The following POU6F2 variants were observed in gnomAD, a reference collection of about 807,000 sequenced individuals.
The protein encoded by POU6F2 is POU class 6 homeobox 2.
Under a neutral mutation model 71.3 loss-of-function variants are expected in POU6F2, and 31 were observed. The ratio of observed to expected loss-of-function variants is 0.43; its 90% CI spans 0.33 to 0.59. The LOEUF is 0.59. Ranked by LOEUF, POU6F2 falls within the 20% of genes least tolerant of loss-of-function variation. POU6F2 has a pLI of 0.04. For missense variants in POU6F2, 783 were observed against 856.8 expected (o/e 0.91, Z 1.07); for synonymous variants, 347 against 355.7 (o/e 0.98, Z 0.27).
rs769703835 is a variant in POU6F2 at position 39,339,778 on chromosome 7, G to A, written c.735G>A (p.Gln245=). 11 of 1,577,378 alleles carry A rather than the reference G, an allele frequency of 7.0e-6. No homozygotes were observed. Among genetic ancestry groups the A allele is most frequent in the Non-Finnish European group, 8.6e-6 (10 of 1,162,318 alleles). The change falls in exon 5 of 10, where the codon CAG becomes CAA. Residue 245 remains glutamine (Q), a synonymous_variant. Coordinates refer to ENST00000518318, the MANE Select transcript of POU6F2 (RefSeq NM_001370959.1). ...QPAPQAPSQS[Q]QQPLQPTPPQ... is the part of the protein sequence containing the mutation. ...CCCCACAGGCGCCCTCGCAGTCCCA[G>A]CAGCAGCCGCTGCAGCCCACCCCAC...
At chr7:39,111,316 C>T (rs551766172) in intron 2 of POU6F2, among the ~76,000 whole-genome samples, 5 of 152,274 alleles carry the variant, frequency 3.3e-5, no homozygotes, top group African/African-American at 1.2e-4. Context: ...AGCATCTTAG[C>T]TCCAACACCA....
chr7:39,131,164 G>A (rs375290830), intron 2 of POU6F2, among the ~76,000 whole-genome samples: 2 of 152,054 alleles, frequency 1.3e-5, no homozygotes, highest in South Asian at 2.1e-4. Flanking sequence ...TCAGATTCCC[G>A]CTCCTCCGGT....
chr7:39,419,127 A>C (rs1169702532), intron 6 of POU6F2, among the ~76,000 whole-genome samples: 1 of 136,666 alleles, frequency 7.3e-6, no homozygotes, highest in Non-Finnish European at 1.5e-5. Flanking sequence ...ATATGTGTAT[A>C]TATACACATA....
chr7:39,100,820 A>T (rs1302421509), intron 2 of POU6F2, among the ~76,000 whole-genome samples: 2 of 152,130 alleles, frequency 1.3e-5, no homozygotes, highest in Non-Finnish European at 2.9e-5. Flanking sequence ...AACCAAACTT[A>T]AATCTGTCTC....
At chr7:39,211,108 T>C (rs988607450) in intron 4 of POU6F2, among the ~76,000 whole-genome samples, 1 of 152,136 alleles carries the variant, frequency 6.6e-6, no homozygotes, top group African/African-American at 2.4e-5. Context: ...AATTTCGTCA[T>C]GAGGGCTCCA....
chr7:39,105,457 T>C (rs895893707), intron 2 of POU6F2, among the ~76,000 whole-genome samples: 6 of 151,810 alleles, frequency 4.0e-5, no homozygotes, highest in Non-Finnish European at 8.8e-5. Flanking sequence ...CCTGGTTTTA[T>C]CTAAGAGACT....
At chr7:39,063,887 G>A (rs1790705268) in intron 1 of POU6F2, among the ~76,000 whole-genome samples, 1 of 152,088 alleles carries the variant, frequency 6.6e-6, no homozygotes, top group South Asian at 2.1e-4. Flanking sequence ...TGAGCCAAAA[G>A]TAGCAATATA....
intron 5 of POU6F2, among the ~76,000 whole-genome samples, chr7:39,342,199 C>A (rs906747455): frequency 1.1e-5 from 1 of 94,694 alleles, no homozygotes; most frequent in African/African-American, 4.1e-5. Flanking sequence ...TTAAACAAAT[C>A]TGTGTCGGTA....
intron 1 of POU6F2, among the ~76,000 whole-genome samples, chr7:39,085,386 C>G (rs771984239): frequency 5.3e-5 from 8 of 151,994 alleles, no homozygotes; most frequent in Non-Finnish European, 8.8e-5. Context: ...GCTTCTCCCC[C>G]GGGGAGAAGG....
chr7:39,294,983 C>T (rs1002409074), intron 4 of POU6F2, among the ~76,000 whole-genome samples: 4 of 152,008 alleles, frequency 2.6e-5, no homozygotes, highest in Non-Finnish European at 5.9e-5. Context: ...TTTCATTTGG[C>T]GAATGAAACA....
intron 5 of POU6F2, 150 bp from the exon 6 acceptor site, chr7:39,406,450 G>A: frequency 1.2e-6 from 1 of 816,700 alleles, no homozygotes; most frequent in Non-Finnish European, 1.9e-6. Flanking sequence ...GAGCTTCCGG[G>A]GGAATGTTCG....
At chr7:39,082,006 A>G (rs1791130073) in intron 1 of POU6F2, among the ~76,000 whole-genome samples, 1 of 152,210 alleles carries the variant, frequency 6.6e-6, no homozygotes, top group Admixed American at 6.5e-5. Flanking sequence ...CAATGGGGCT[A>G]ATACCTTGCA....
chr7:39,124,259 C>T (rs1792103466), intron 2 of POU6F2, among the ~76,000 whole-genome samples: 1 of 152,120 alleles, frequency 6.6e-6, no homozygotes, highest in Non-Finnish European at 1.5e-5. Context: ...GTTGGTCAAG[C>T]TGGTCTCGAA....
At chr7:39,218,248 A>G (rs1263252616) in intron 4 of POU6F2, among the ~76,000 whole-genome samples, 1 of 152,202 alleles carries the variant, frequency 6.6e-6, no homozygotes, top group Admixed American at 6.5e-5. Flanking sequence ...ATCTCACTCC[A>G]TTACCATGGA....
chr7:38,986,430 G>C (rs1238174255), intron 1 of POU6F2, among the ~76,000 whole-genome samples: 1 of 152,094 alleles, frequency 6.6e-6, no homozygotes, highest in Non-Finnish European at 1.5e-5. Flanking sequence ...TCCAAAAACA[G>C]GGGGGCTCTT....
chr7:39,374,281 G>A (rs541288906), intron 5 of POU6F2, among the ~76,000 whole-genome samples: 1 of 152,296 alleles, frequency 6.6e-6, no homozygotes, highest in Non-Finnish European at 1.5e-5. Context: ...CTTGTGGCAT[G>A]GAGGAGAATG....
intron 4 of POU6F2, among the ~76,000 whole-genome samples, chr7:39,235,481 C>A (rs544751654): frequency 1.3e-5 from 2 of 152,138 alleles, no homozygotes; most frequent in Non-Finnish European, 2.9e-5. Flanking sequence ...CCTTCACCAC[C>A]GGGCCACCCT....
chr7:39,039,849 G>A (rs529244419), intron 1 of POU6F2, among the ~76,000 whole-genome samples: 3 of 150,648 alleles, frequency 2.0e-5, no homozygotes, highest in South Asian at 4.2e-4. Flanking sequence ...GAAACCAGAA[G>A]TTTGACTGGG....
At chr7:39,457,380 C>G (rs1788830181) in intron 8 of POU6F2, among the ~76,000 whole-genome samples, 1 of 152,178 alleles carries the variant, frequency 6.6e-6, no homozygotes, top group African/African-American at 2.4e-5. Context: ...TTTACTTTCC[C>G]AGCCCGCTGA....
Sources: gnomAD v4.1 joint callset for allele counts (sites outside exome capture counted in the v4.1 genomes callset) on GRCh38, gnomAD v4.1.1 for gene constraint, MANE v1.5 for transcripts, NCBI Gene and HGNC (gene_info 2026-07-23, HGNC 2026-07-21) for gene names.